Variants in ZFR observed in about 807,000 individuals in gnomAD.
ZFR encodes the protein zinc finger RNA-binding protein.
A neutral mutation model predicts 130.7 loss-of-function variants in ZFR; 19 were observed. That is an observed-to-expected ratio of 0.15 (90% CI 0.10 to 0.21). ZFR has a LOEUF of 0.21. Ranked by LOEUF, ZFR falls within the 10% of genes least tolerant of loss-of-function variation. The probability of loss-of-function intolerance (pLI) is 1.00; values close to 1 mark genes in which losing one functional copy is unlikely to be tolerated. For synonymous variants in ZFR, 466 were observed against 456.9 expected, an observed-to-expected ratio of 1.02 and a Z score of -0.25; for missense variants, 872 against 1,321.5, an observed-to-expected ratio of 0.66 and a Z score of 5.27.
intron 12 of ZFR, 105 bp from the exon 13 acceptor site, chr5:32,388,779 C>G: frequency 9.6e-7 from 1 of 1,039,522 alleles, no homozygotes; most frequent in South Asian, 1.8e-5. Flanking sequence ...ATAAGAAAGC[C>G]TTTATCTTCT....
Position 32,395,353 on chromosome 5 carries a change from T to C in ZFR, c.1834-49A>G, listed in dbSNP as rs1417104016. 3.7e-6 allele frequency: 5 copies of C among 1,354,366 alleles called. No homozygotes were observed. In the East Asian group the frequency reaches 8.1e-5, roughly 22 times the overall value. 83.9% of individuals were successfully genotyped at this position (1,354,366 alleles called of 1,614,324 possible). On this transcript the variant is annotated intron_variant, in intron 10 of 19. Coordinates refer to ENST00000265069, the MANE Select transcript of ZFR (RefSeq NM_016107.5). ...AAAAAACAGCAGCCCCAAAACAATC[T>C]ACATGTATTTTTAATCATACAATTA...
intron 5 of ZFR, 32 bp downstream of exon 5, chr5:32,414,937 T>C: frequency 6.4e-7 from 1 of 1,570,226 alleles, no homozygotes; most frequent in Non-Finnish European, 8.7e-7. Flanking sequence ...CCTAATTTGT[T>C]TACTCATTTA....
chr5:32,396,642 A>G (rs919960366), intron 10 of ZFR, among the ~76,000 whole-genome samples: 9 of 152,074 alleles, frequency 5.9e-5, no homozygotes, highest in African/African-American at 2.2e-4. Flanking sequence ...GGAGGCGGAG[A>G]CAGGAGAAAT....
intron 2 of ZFR, among the ~76,000 whole-genome samples, chr5:32,442,504 G>C (rs1440092628): frequency 6.6e-6 from 1 of 152,138 alleles, no homozygotes; most frequent in East Asian, 1.9e-4. Flanking sequence ...AAAATTATAA[G>C]CAAACGATTT....
At chr5:32,417,033 G>A (rs1014701194) in intron 4 of ZFR, among the ~76,000 whole-genome samples, 3 of 148,938 alleles carry the variant, frequency 2.0e-5, no homozygotes, top group Non-Finnish European at 4.4e-5. Flanking sequence ...ATTTACATTA[G>A]GTGTATCTCC....
chr5:32,369,873 T>C (rs947641715), intron 17 of ZFR, among the ~76,000 whole-genome samples: 16 of 152,226 alleles, frequency 1.1e-4, no homozygotes, highest in African/African-American at 3.9e-4. Context: ...TACTATGTTG[T>C]CCATATCAAG....
At chr5:32,415,715 A>C (rs1419368066) in intron 4 of ZFR, among the ~76,000 whole-genome samples, 1 of 152,144 alleles carries the variant, frequency 6.6e-6, no homozygotes, top group South Asian at 2.1e-4. Flanking sequence ...GGTACTACAT[A>C]ATTTTTCAAA....
intron 15 of ZFR, 128 bp from the exon 16 acceptor site, chr5:32,380,300 C>A (rs1752905925): frequency 1.8e-6 from 1 of 559,142 alleles, no homozygotes; most frequent in Non-Finnish European, 3.3e-6. Context: ...TTAATATATC[C>A]ACGGAGTTAT....
chr5:32,392,082 TTCTA>T (rs1753193779), intron 11 of ZFR, among the ~76,000 whole-genome samples: 1 of 152,246 alleles, frequency 6.6e-6, no homozygotes, highest in Non-Finnish European at 1.5e-5. Context: ...GAAACCATTC[TTCTA>T]TCTATGTTAT....
intron 9 of ZFR, 109 bp from the exon 10 acceptor site, chr5:32,397,447 T>C (rs1274892272): frequency 3.6e-6 from 5 of 1,380,220 alleles, no homozygotes; most frequent in Admixed American, 4.6e-5. Flanking sequence ...GAAGTGGCAA[T>C]GTCTATTACA....
intron 15 of ZFR, among the ~76,000 whole-genome samples, chr5:32,381,787 AAGAC>A (rs1253729707): frequency 6.6e-6 from 1 of 152,214 alleles, no homozygotes; most frequent in African/African-American, 2.4e-5. Flanking sequence ...ATTTAGAGGA[AAGAC>A]AGATAATCAA....
At chr5:32,433,602 A>C (rs1452387718) in intron 2 of ZFR, among the ~76,000 whole-genome samples, 1 of 152,204 alleles carries the variant, frequency 6.6e-6, no homozygotes, top group East Asian at 1.9e-4. Flanking sequence ...TGTTAAAGAG[A>C]TGGCCATCTT....
chr5:32,444,143 G>C (rs1754543952), intron 2 of ZFR, 86 bp downstream of exon 2: 7 of 1,467,898 alleles, frequency 4.8e-6, no homozygotes, highest in Non-Finnish European at 6.4e-6. Flanking sequence ...GGGATGGCTG[G>C]GGACGGGCGC....
chr5:32,362,520 C>T (rs980929863), intron 19 of ZFR, among the ~76,000 whole-genome samples: 3 of 152,192 alleles, frequency 2.0e-5, no homozygotes, highest in African/African-American at 7.2e-5. Context: ...TTTATGTGTG[C>T]ATGTGTGTAT....
chr5:32,409,816 T>A (rs1000235298), intron 5 of ZFR, among the ~76,000 whole-genome samples: 1 of 151,880 alleles, frequency 6.6e-6, no homozygotes. Flanking sequence ...GAGGCTCACA[T>A]GGTTTTAAAT....
Position 32,397,245 on chromosome 5 carries a change from CT to C in ZFR, c.1806del (p.Arg604GlufsTer11). The C allele has an allele frequency of 6.2e-7, 1 of 1,611,108 alleles. No individual in the cohort carries two copies. Among genetic ancestry groups the C allele is most frequent in the Non-Finnish European group, 8.5e-7 (1 of 1,178,726 alleles). ...TTATATTGAAGTCTGTGTCTTCGCCCTTTTAAGTGCATCTCCTTAGCATTGG... is the reference window on the plus strand; with the variant it reads ...TTATATTGAAGTCTGTGTCTTCGCCCTTTAAGTGCATCTCCTTAGCATTGG... ...NDPNAKEMHL[K>X]GRRHRLQYKK... On this transcript the variant is annotated frameshift_variant, in exon 10 of 20. Transcript: ENST00000265069. LOFTEE classifies it high-confidence loss of function.
intron 12 of ZFR, 51 bp downstream of exon 12, chr5:32,390,224 T>C (rs1248951749): frequency 6.3e-7 from 1 of 1,580,150 alleles, no homozygotes; most frequent in African/African-American, 1.4e-5. Flanking sequence ...TTTCTTCTAA[T>C]GCTGAACCAG....
chr5:32,367,106 T>C (rs1464434390), intron 17 of ZFR, among the ~76,000 whole-genome samples: 1 of 152,044 alleles, frequency 6.6e-6, no homozygotes, highest in African/African-American at 2.4e-5. Context: ...TCTTGCTCTG[T>C]TTCCTAGACT....
intron 5 of ZFR, among the ~76,000 whole-genome samples, chr5:32,414,152 C>T (rs2111805883): frequency 6.6e-6 from 1 of 152,328 alleles, no homozygotes; most frequent in East Asian, 1.9e-4. Flanking sequence ...CTGACATTTA[C>T]CCCATGTATC....
Sources: gnomAD v4.1 joint callset for allele counts (sites outside exome capture counted in the v4.1 genomes callset) on GRCh38, gnomAD v4.1.1 for gene constraint, MANE v1.5 for transcripts, NCBI Gene and HGNC (gene_info 2026-07-23, HGNC 2026-07-21) for gene names.